The following MELK variants were observed in gnomAD, a reference collection of about 807,000 sequenced individuals.
MELK encodes pEg3 kinase.
A neutral mutation model predicts 85.0 loss-of-function variants in MELK; 81 were observed. That is an observed-to-expected ratio of 0.95 (90% CI 0.80 to 1.15). The LOEUF (loss-of-function observed/expected upper bound fraction) is 1.15, where lower values mean the gene tolerates loss of function less well. Among genes scored for constraint, MELK ranks in the 50% most tolerant of loss-of-function variants. The probability of loss-of-function intolerance (pLI) is 0.00; values close to 1 mark genes in which losing one functional copy is unlikely to be tolerated. For synonymous variants in MELK, 252 were observed against 265.0 expected, an observed-to-expected ratio of 0.95 and a Z score of 0.48; for missense variants, 754 against 777.5, an observed-to-expected ratio of 0.97 and a Z score of 0.36.
intron 7 of MELK, among the ~76,000 whole-genome samples, chr9:36,603,937 A>AGGG (rs771499893): frequency 4.6e-5 from 7 of 151,942 alleles, no homozygotes; most frequent in Non-Finnish European, 1.0e-4. Context: ...CCTAGACATA[A>AGGG]TCTTTCTGTT....
At position 36,594,784 on chromosome 9, in the gene MELK, A is replaced by T; in HGVS notation, c.405+13A>T. ...GGACCTCAAGCCAGTAAGTGACTGC[A>T]TCACAGTTAGATGCTCACCTTCAGC... On this transcript the variant is annotated intron_variant, in intron 5 of 17. Coordinates refer to ENST00000298048, the MANE Select transcript of MELK (RefSeq NM_014791.4). The T allele has an allele frequency of 6.2e-7, 1 of 1,610,250 alleles. No homozygotes were observed.
intron 1 of MELK, 138 bp from the exon 2 acceptor site, chr9:36,581,506 C>CT: frequency 2.0e-6 from 1 of 506,514 alleles, no homozygotes; most frequent in Non-Finnish European, 3.5e-6. Flanking sequence ...GATAAGAATC[C>CT]TTTTTTTCAT....
chr9:36,580,950 G>C (rs1030396850), intron 1 of MELK, among the ~76,000 whole-genome samples: 1 of 151,166 alleles, frequency 6.6e-6, no homozygotes, highest in Admixed American at 6.6e-5. Flanking sequence ...GGCTGGTCTC[G>C]AACTCATGAT....
At chr9:36,654,528 G>A (rs1831041659) in intron 12 of MELK, among the ~76,000 whole-genome samples, 1 of 151,562 alleles carries the variant, frequency 6.6e-6, no homozygotes, top group Admixed American at 6.6e-5. Flanking sequence ...TCTAATTTTT[G>A]TATTTTTAGT....
In MELK at chr9:36,630,386, T is replaced by G; in HGVS notation, c.735+19T>G. ...GCTGCAGGTAAACTTTATTTTTAAATAATAGAAGTCTATTGTAATTGTTTG... is the reference window on the plus strand; with the variant it reads ...GCTGCAGGTAAACTTTATTTTTAAAGAATAGAAGTCTATTGTAATTGTTTG... On this transcript the variant is annotated intron_variant, in intron 9 of 17. Coordinates refer to ENST00000298048, the MANE Select transcript of MELK (RefSeq NM_014791.4). 5 of 1,568,022 alleles carry G rather than the reference T, an allele frequency of 3.2e-6. No individual in the cohort carries two copies. Among genetic ancestry groups the G allele is most frequent in the Non-Finnish European group, 4.4e-6 (5 of 1,141,938 alleles).
At chr9:36,615,549 C>T (rs1347168881) in intron 8 of MELK, among the ~76,000 whole-genome samples, 2 of 139,838 alleles carry the variant, frequency 1.4e-5, no homozygotes, top group African/African-American at 3.1e-5. Flanking sequence ...ACGCTCCTCA[C>T]TTCCCAGATG....
chr9:36,651,510 GAATT>G (rs1432575872), intron 11 of MELK, among the ~76,000 whole-genome samples: 1 of 152,104 alleles, frequency 6.6e-6, no homozygotes, highest in Non-Finnish European at 1.5e-5. Context: ...TGGAAATACA[GAATT>G]AATAGCAGAA....
chr9:36,598,730 T>TC (rs1174451027), intron 6 of MELK, among the ~76,000 whole-genome samples: 3 of 152,134 alleles, frequency 2.0e-5, no homozygotes, highest in Non-Finnish European at 4.4e-5. Context: ...AATAAATTTT[T>TC]CCCCCCGGGA....
rs572232390 is a variant in MELK at position 36,578,536 on chromosome 9, A to G, written c.-38-3108A>G. 3.3e-5 allele frequency among the ~76,000 whole-genome samples: 5 copies of G among 152,314 alleles called. No individual in the cohort carries two copies. In the East Asian group the frequency reaches 7.7e-4, roughly 23 times the overall value. ...TCTTGAGAATTTTGGGTAGTCTCAG[A>G]GTGAGTTGAAAGGGGCAGAATGAGG... On this transcript the variant is annotated intron_variant, in intron 1 of 17. Transcript: ENST00000298048.
intron 2 of MELK, 54 bp from the exon 3 acceptor site, chr9:36,583,573 G>T: frequency 8.7e-7 from 1 of 1,148,590 alleles, no homozygotes; most frequent in South Asian, 1.6e-5. Flanking sequence ...TATATAAAAA[G>T]GTGTTTGTGC....
chr9:36,648,885 T>C (rs1005291473), intron 11 of MELK, among the ~76,000 whole-genome samples: 14 of 151,878 alleles, frequency 9.2e-5, no homozygotes, highest in African/African-American at 2.9e-4. Context: ...TCACTAGAAA[T>C]TTGAGGAAAA....
chr9:36,674,179 AACAGTGCCTACC>A (rs1434823943), intron 16 of MELK, among the ~76,000 whole-genome samples: 3 of 152,222 alleles, frequency 2.0e-5, no homozygotes, highest in Admixed American at 6.5e-5. Flanking sequence ...GACCCACTAA[AACAGTGCCTACC>A]ACATAGTAAA....
intron 8 of MELK, among the ~76,000 whole-genome samples, chr9:36,613,056 C>T (rs187624046): frequency 6.6e-6 from 1 of 152,286 alleles, no homozygotes; most frequent in East Asian, 1.9e-4. Flanking sequence ...GGCCTCCCAT[C>T]ACCTCACTGC....
chr9:36,599,412 C>G lies in MELK; in HGVS notation c.493C>G (p.Leu165Val), dbSNP rs1406688806. ...AKPKGNKDYH[L>V]QTCCGSLAYA... The stretch of plus-strand genomic sequence containing the variant: ...TTGGCAGGGTAACAAGGATTACCAT[C>G]TACAGACATGCTGTGGGAGTCTGGC... The change falls in exon 7 of 18, where the codon CTA becomes GTA. Residue 165 changes from leucine to valine, a missense_variant. Transcript: ENST00000298048. 3.1e-6 allele frequency: 5 copies of G among 1,605,806 alleles called. No individual in the cohort carries two copies. The highest frequency in any genetic ancestry group is 4.3e-6 in the Non-Finnish European group (5 of 1,174,526).
chr9:36,646,258 T>C (rs1830207996), intron 11 of MELK, among the ~76,000 whole-genome samples: 2 of 152,066 alleles, frequency 1.3e-5, no homozygotes. Flanking sequence ...GAAAACCAGG[T>C]TTGAGACTAG....
intron 4 of MELK, 50 bp downstream of exon 4, chr9:36,589,702 A>G: frequency 1.5e-6 from 2 of 1,316,940 alleles, no homozygotes; most frequent in Admixed American, 1.8e-5. Flanking sequence ...CTTTATCAAT[A>G]GTAAAAGAGA....
At chr9:36,574,872 C>T (rs1343358142) in intron 1 of MELK, among the ~76,000 whole-genome samples, 1 of 152,166 alleles carries the variant, frequency 6.6e-6, no homozygotes, top group Non-Finnish European at 1.5e-5. Flanking sequence ...CGCGGTGGCT[C>T]ACGCCTGTAA....
chr9:36,583,474 G>A, intron 2 of MELK, among the ~76,000 whole-genome samples, 153 bp from the exon 3 acceptor site: 1 of 148,776 alleles, frequency 6.7e-6, no homozygotes. Context: ...AAAACCTTCA[G>A]CTAGACATTG....
chr9:36,614,445 A>ATTTTTTT (rs1564162098), intron 8 of MELK, among the ~76,000 whole-genome samples: 13 of 88,920 alleles, frequency 1.5e-4, no homozygotes, highest in African/African-American at 5.1e-4. Context: ...TTTTTTTTTA[A>ATTTTTTT]TTTATTTTTT....
Sources: allele counts gnomAD v4.1 joint callset (sites outside exome capture counted in the v4.1 genomes callset), GRCh38; gene constraint gnomAD v4.1.1; transcripts MANE v1.5; gene names NCBI Gene and HGNC (gene_info 2026-07-23, HGNC 2026-07-21).